The following FMNL2 variants were observed in gnomAD, a reference collection of about 807,000 sequenced individuals.
The protein encoded by FMNL2 is formin-like protein 2.
Under a neutral mutation model 130.2 loss-of-function variants are expected in FMNL2, and 51 were observed. The observed-to-expected ratio is 0.39, with a 90% CI of 0.31 to 0.49. The LOEUF is 0.49. FMNL2 is among the 20% of genes least tolerant of loss of function. The pLI is 0.85. For synonymous variants in FMNL2, 465 were observed against 467.1 expected, an observed-to-expected ratio of 1.00 and a Z score of 0.06; for missense variants, 977 against 1,316.2, an observed-to-expected ratio of 0.74 and a Z score of 3.99.
chr2:152,487,857 G>A (rs1007594153), intron 1 of FMNL2, among the ~76,000 whole-genome samples: 1 of 149,614 alleles, frequency 6.7e-6, no homozygotes. Context: ...GTGTGATCTT[G>A]GCTCACTGCA....
intron 1 of FMNL2, among the ~76,000 whole-genome samples, chr2:152,364,949 TA>T (rs1220796910): frequency 6.6e-6 from 1 of 152,364 alleles, no homozygotes; most frequent in East Asian, 1.9e-4. Context: ...TAACATGAAG[TA>T]AAAGTATTTT....
chr2:152,639,841 A>G (rs373208329), intron 23 of FMNL2, 117 bp from the exon 24 acceptor site: 29 of 639,982 alleles, frequency 4.5e-5, no homozygotes, highest in Non-Finnish European at 6.2e-5. Context: ...GATCTTCTCA[A>G]CCTTCCATTT....
At chr2:152,478,228 A>G (rs1690265007) in intron 1 of FMNL2, among the ~76,000 whole-genome samples, 1 of 91,164 alleles carries the variant, frequency 1.1e-5, no homozygotes, top group South Asian at 4.9e-4. Context: ...ATACATATAT[A>G]CATATATATA....
At chr2:152,558,879 A>G in intron 5 of FMNL2, 56 bp downstream of exon 5, 1 of 1,458,544 alleles carries the variant, frequency 6.9e-7, no homozygotes, top group Non-Finnish European at 9.5e-7. Flanking sequence ...AGCAGATGCT[A>G]CTCAGTGGTA....
chr2:152,478,158 G>A (rs558793960), intron 1 of FMNL2, among the ~76,000 whole-genome samples: 25 of 150,436 alleles, frequency 1.7e-4, no homozygotes, highest in Admixed American at 1.6e-3. Flanking sequence ...AGGGGACTTT[G>A]AGAACTTTGG....
intron 9 of FMNL2, among the ~76,000 whole-genome samples, chr2:152,585,322 T>C (rs1697006358): frequency 6.6e-6 from 1 of 152,172 alleles, no homozygotes; most frequent in South Asian, 2.1e-4. Flanking sequence ...TGGAAGGACA[T>C]ATGACCATCT....
Position 152,647,957 on chromosome 2 carries a change from C to T in FMNL2, c.*52C>T. On this transcript the variant is annotated 3_prime_UTR_variant, in exon 26 of 26. Transcript: ENST00000288670. ...GGGTGTGCGTGAATGAAACTGCCCACATGAACTTTATGTGCTACGATTTAA... is the reference window on the plus strand; with the variant it reads ...GGGTGTGCGTGAATGAAACTGCCCATATGAACTTTATGTGCTACGATTTAA... 1 of 1,424,584 alleles carries T rather than the reference C, an allele frequency of 7.0e-7. No homozygotes were observed. Among genetic ancestry groups the T allele is most frequent in the Non-Finnish European group, 9.6e-7 (1 of 1,036,910 alleles). 88.2% of individuals were successfully genotyped at this position (1,424,584 alleles called of 1,614,324 possible). A position where few individuals can be genotyped will look rare whatever the true frequency, so the allele number is the denominator to read the frequency against.
chr2:152,618,795 A>C, intron 13 of FMNL2, 51 bp from the exon 14 acceptor site: 1 of 1,463,922 alleles, frequency 6.8e-7, no homozygotes, highest in Non-Finnish European at 9.2e-7. Context: ...TGATGCTACT[A>C]AGTATGAATG....
chr2:152,626,677 T>A lies in FMNL2; in HGVS notation c.2115T>A (p.Thr705=). The part of the protein sequence containing the change: ...EANRAKNLAI[T]LRKAGKTADE... ...ACAGGGCCAAAAATCTTGCCATAAC[T>A]TTAAGGAAAGCTGGAAAGACTGCTG... The change falls in exon 17 of 26, where the codon ACT becomes ACA. Residue 705 remains threonine (T), a synonymous_variant. Coordinates refer to ENST00000288670, the MANE Select transcript of FMNL2 (RefSeq NM_052905.4). 6.2e-7 allele frequency: 1 copy of A among 1,613,064 alleles called. No homozygotes were observed. The highest frequency in any genetic ancestry group is 8.5e-7 in the Non-Finnish European group (1 of 1,179,546).
intron 2 of FMNL2, among the ~76,000 whole-genome samples, chr2:152,538,758 T>C (rs1351357897): frequency 6.6e-6 from 1 of 152,184 alleles, no homozygotes; most frequent in East Asian, 1.9e-4. Context: ...TGGGGTTGCC[T>C]GTCTAATATC....
intron 1 of FMNL2, among the ~76,000 whole-genome samples, chr2:152,422,332 G>A (rs548086608): frequency 5.9e-4 from 90 of 152,256 alleles, no homozygotes; most frequent in African/African-American, 2.1e-3. Flanking sequence ...ATGATGCCCC[G>A]TGATCATCAT....
chr2:152,410,703 C>A (rs1686233864), intron 1 of FMNL2, among the ~76,000 whole-genome samples: 1 of 152,198 alleles, frequency 6.6e-6, no homozygotes, highest in Non-Finnish European at 1.5e-5. Flanking sequence ...CTTGGCTTTT[C>A]GGACTCATGG....
intron 9 of FMNL2, among the ~76,000 whole-genome samples, chr2:152,606,066 T>C (rs1171838437): frequency 6.6e-6 from 1 of 152,224 alleles, no homozygotes; most frequent in Non-Finnish European, 1.5e-5. Context: ...AATTCCTGCC[T>C]TCGTGGGAAT....
chr2:152,532,133 A>G (rs896122778), intron 2 of FMNL2, among the ~76,000 whole-genome samples: 6 of 152,154 alleles, frequency 3.9e-5, no homozygotes, highest in African/African-American at 1.4e-4. Context: ...GGAGTACTTT[A>G]TTTCCTGCAA....
At chr2:152,488,804 G>A (rs1459358778) in intron 1 of FMNL2, among the ~76,000 whole-genome samples, 1 of 152,230 alleles carries the variant, frequency 6.6e-6, no homozygotes, top group South Asian at 2.1e-4. Context: ...CAAGCCAGGT[G>A]TGGTGGCTCA....
At chr2:152,592,488 A>G (rs1697492801) in intron 9 of FMNL2, among the ~76,000 whole-genome samples, 2 of 152,230 alleles carry the variant, frequency 1.3e-5, no homozygotes, top group Non-Finnish European at 2.9e-5. Context: ...TCAGAAAGAA[A>G]GCATGAGCAG....
At chr2:152,463,963 C>T (rs1579726245) in intron 1 of FMNL2, among the ~76,000 whole-genome samples, 2 of 152,212 alleles carry the variant, frequency 1.3e-5, no homozygotes. Context: ...GATGGAGTCT[C>T]GCTCTATCAC....
chr2:152,434,477 T>C (rs1687643634), intron 1 of FMNL2, among the ~76,000 whole-genome samples: 1 of 152,206 alleles, frequency 6.6e-6, no homozygotes, highest in South Asian at 2.1e-4. Flanking sequence ...ATGCATCTTA[T>C]CCAGCACACA....
At chr2:152,433,719 A>G (rs958048531) in intron 1 of FMNL2, among the ~76,000 whole-genome samples, 2 of 152,154 alleles carry the variant, frequency 1.3e-5, no homozygotes, top group Admixed American at 1.3e-4. Flanking sequence ...GGCTGTGACT[A>G]TTTACTAATA....
Sources: gnomAD v4.1 joint callset for allele counts (sites outside exome capture counted in the v4.1 genomes callset) on GRCh38, gnomAD v4.1.1 for gene constraint, MANE v1.5 for transcripts, NCBI Gene and HGNC (gene_info 2026-07-23, HGNC 2026-07-21) for gene names.